The following NOL4 variants were observed in gnomAD, a reference collection of about 807,000 sequenced individuals.
NOL4 encodes nucleolar protein 4, also known as cancer/testis antigen 125.
NOL4 carries 17 observed loss-of-function variants against 75.9 expected under a neutral mutation model. That is an observed-to-expected ratio of 0.22 (90% CI 0.15 to 0.34). NOL4 has a LOEUF of 0.34. Among genes scored for constraint, NOL4 ranks in the 10% least tolerant of loss-of-function variants. NOL4 has a pLI of 1.00. For synonymous variants in NOL4, 292 were observed against 289.9 expected (o/e 1.01, Z -0.07); for missense variants, 614 against 793.5 (o/e 0.77, Z 2.72).
At chr18:34,118,374 T>C (rs2079963522) in intron 2 of NOL4, among the ~76,000 whole-genome samples, 1 of 152,086 alleles carries the variant, frequency 6.6e-6, no homozygotes, top group Admixed American at 6.6e-5. Context: ...TTTGAGAAAA[T>C]TTGTATCACA....
chr18:33,920,192 T>G lies in NOL4; in HGVS notation c.1542+22873A>C, dbSNP rs147946865. Among the ~76,000 whole-genome samples the G allele has an allele frequency of 5.4e-3, 823 of 152,000 alleles. 13 individuals carry two copies. The highest frequency in any genetic ancestry group is 0.019 in the African/African-American group (793 of 41,480). On this transcript the variant is annotated intron_variant, in intron 9 of 10. Coordinates refer to ENST00000261592, the MANE Select transcript of NOL4 (RefSeq NM_003787.5). Reference sequence around the variant, plus strand: ...GAGAGAGGGAAGGAGAGAGGGAAGATGAGAGAGAGACGAGACAGAAGGAGA... The same window carrying G: ...GAGAGAGGGAAGGAGAGAGGGAAGAGGAGAGAGAGACGAGACAGAAGGAGA...
intron 1 of NOL4, chr18:34,156,957 G>GCTTTTA (rs2030525318): frequency 6.6e-6 from 1 of 152,012 alleles, no homozygotes; most frequent in South Asian, 2.1e-4. Flanking sequence ...ACGTATATTG[G>GCTTTTA]CTTTTACGTC....
chr18:33,894,835 C>T (rs1389647391), intron 9 of NOL4, among the ~76,000 whole-genome samples: 1 of 151,942 alleles, frequency 6.6e-6, no homozygotes. Flanking sequence ...TGTGGGGAGA[C>T]ATGGAATGGA....
intron 1 of NOL4, among the ~76,000 whole-genome samples, chr18:34,148,509 T>G (rs528706802): frequency 6.6e-6 from 1 of 152,146 alleles, no homozygotes; most frequent in Non-Finnish European, 1.5e-5. Context: ...TCAGTTTCCA[T>G]GTACTTGTAC....
chr18:33,916,268 T>A (rs1045384446), intron 9 of NOL4, among the ~76,000 whole-genome samples: 1 of 152,168 alleles, frequency 6.6e-6, no homozygotes, highest in African/African-American at 2.4e-5. Flanking sequence ...AATGATTAAA[T>A]TCATCTTGCA....
At chr18:34,200,271 T>TATTA (rs2035637066) in intron 1 of NOL4, among the ~76,000 whole-genome samples, 1 of 151,768 alleles carries the variant, frequency 6.6e-6, no homozygotes, top group African/African-American at 2.4e-5. Context: ...TTCCTGTAAT[T>TATTA]AATATATCCT....
At chr18:34,045,881 G>A (rs1223374894) in intron 5 of NOL4, among the ~76,000 whole-genome samples, 5 of 152,040 alleles carry the variant, frequency 3.3e-5, no homozygotes, top group Non-Finnish European at 5.9e-5. Flanking sequence ...TATCTCTTGT[G>A]CTGAATAACA....
intron 10 of NOL4, among the ~76,000 whole-genome samples, chr18:33,864,023 C>T (rs2144345505): frequency 6.6e-6 from 1 of 152,302 alleles, no homozygotes; most frequent in East Asian, 1.9e-4. Context: ...TGAACCTTTA[C>T]CTTGGCCCCT....
chr18:34,104,795 T>C (rs1399251119), intron 3 of NOL4, among the ~76,000 whole-genome samples: 5 of 151,780 alleles, frequency 3.3e-5, no homozygotes, highest in Non-Finnish European at 5.9e-5. Flanking sequence ...GAAATACATA[T>C]AATAAATGAA....
At chr18:33,891,772 C>T (rs535384875) in intron 9 of NOL4, among the ~76,000 whole-genome samples, 2 of 152,286 alleles carry the variant, frequency 1.3e-5, no homozygotes, top group East Asian at 3.9e-4. Context: ...CTATGAGATA[C>T]ATTTTTTAAA....
At chr18:33,982,172 A>G (rs1241504994) in intron 6 of NOL4, among the ~76,000 whole-genome samples, 1 of 152,100 alleles carries the variant, frequency 6.6e-6, no homozygotes, top group African/African-American at 2.4e-5. Flanking sequence ...CAATGAATAG[A>G]AAACAGTAAC....
intron 1 of NOL4, among the ~76,000 whole-genome samples, chr18:34,181,735 G>A (rs546656381): frequency 6.6e-6 from 1 of 151,436 alleles, no homozygotes; most frequent in Admixed American, 6.6e-5. Flanking sequence ...AAAAATTGAA[G>A]TGGGCTAAGT....
chr18:33,912,492 T>C (rs1345874430), intron 9 of NOL4, among the ~76,000 whole-genome samples: 4 of 152,082 alleles, frequency 2.6e-5, no homozygotes, highest in African/African-American at 7.2e-5. Context: ...CTTTAAAATG[T>C]GAGATGGTAA....
intron 6 of NOL4, among the ~76,000 whole-genome samples, chr18:33,963,076 G>A (rs745853762): frequency 3.9e-5 from 6 of 152,072 alleles, no homozygotes; most frequent in Admixed American, 6.6e-5. Flanking sequence ...ATTTAAGGCC[G>A]AATTAAGTTC....
At chr18:34,134,070 C>A (rs2145931071) in intron 1 of NOL4, among the ~76,000 whole-genome samples, 1 of 152,072 alleles carries the variant, frequency 6.6e-6, no homozygotes, top group East Asian at 1.9e-4. Flanking sequence ...TTCTTTAAAA[C>A]ACATAAGATT....
chr18:34,109,061 T>C (rs1195718094), intron 2 of NOL4, among the ~76,000 whole-genome samples: 4 of 152,042 alleles, frequency 2.6e-5, no homozygotes, highest in Admixed American at 6.6e-5. Context: ...TTTACAAATA[T>C]GTGAAAATAA....
At chr18:34,182,277 A>C (rs2034103753) in intron 1 of NOL4, among the ~76,000 whole-genome samples, 1 of 151,674 alleles carries the variant, frequency 6.6e-6, no homozygotes, top group South Asian at 2.1e-4. Flanking sequence ...ACTTGAGAAC[A>C]TGCTAAATGA....
chr18:33,870,895 C>T (rs943711179), intron 10 of NOL4, among the ~76,000 whole-genome samples: 1 of 152,110 alleles, frequency 6.6e-6, no homozygotes, highest in South Asian at 2.1e-4. Context: ...TTGTTTCCCT[C>T]CGTGGCCATT....
At chr18:33,872,498 T>C (rs934278729) in intron 10 of NOL4, among the ~76,000 whole-genome samples, 1 of 151,988 alleles carries the variant, frequency 6.6e-6, no homozygotes, top group African/African-American at 2.4e-5. Flanking sequence ...TGATAAATGA[T>C]TAAATACAAA....
Sources: gnomAD v4.1 joint callset for allele counts (sites outside exome capture counted in the v4.1 genomes callset) on GRCh38, gnomAD v4.1.1 for gene constraint, MANE v1.5 for transcripts, NCBI Gene and HGNC (gene_info 2026-07-23, HGNC 2026-07-21) for gene names.